FHOD3: variants seen among roughly 807,000 people sequenced by gnomAD.
The protein encoded by FHOD3 is formin homology 2 domain containing 3.
In FHOD3, 90 loss-of-function variants were observed where a neutral mutation model predicts 173.0. That is an observed-to-expected ratio of 0.52 (90% CI 0.44 to 0.62). The LOEUF is 0.62. FHOD3 is among the 20% of genes least tolerant of loss of function. The pLI is 0.00. For synonymous variants in FHOD3, 828 were observed against 823.0 expected (o/e 1.01, Z -0.10); for missense variants, 1,945 against 2,034.7 (o/e 0.96, Z 0.85).
At chr18:36,572,114 T>C (rs966470434) in intron 5 of FHOD3, among the ~76,000 whole-genome samples, 1 of 152,208 alleles carries the variant, frequency 6.6e-6, no homozygotes, top group Non-Finnish European at 1.5e-5. Context: ...CGTGTCATTT[T>C]TGAGATGAAG....
intron 3 of FHOD3, among the ~76,000 whole-genome samples, chr18:36,460,710 C>T (rs1667340660): frequency 6.6e-6 from 1 of 152,200 alleles, no homozygotes; most frequent in Non-Finnish European, 1.5e-5. Flanking sequence ...CTGATTCCCC[C>T]ATTATTTTTA....
At chr18:36,430,926 T>TA (rs200686168) in intron 3 of FHOD3, among the ~76,000 whole-genome samples, 235 of 151,498 alleles carry the variant, frequency 1.6e-3, no homozygotes, top group Admixed American at 3.9e-3. Context: ...ATGTTTTCAT[T>TA]AAAAAAAAAT....
At chr18:36,471,001 C>T (rs1166834076) in intron 3 of FHOD3, among the ~76,000 whole-genome samples, 1 of 152,224 alleles carries the variant, frequency 6.6e-6, no homozygotes, top group African/African-American at 2.4e-5. Flanking sequence ...GCAGAGACCT[C>T]AGGGCTTTCA....
At chr18:36,354,188 A>G (rs2046256159) in intron 1 of FHOD3, among the ~76,000 whole-genome samples, 2 of 152,222 alleles carry the variant, frequency 1.3e-5, no homozygotes. Flanking sequence ...TTGCACCGTG[A>G]CAAAATTTTC....
At chr18:36,572,721 C>T (rs902375208) in intron 5 of FHOD3, among the ~76,000 whole-genome samples, 3 of 95,218 alleles carry the variant, frequency 3.2e-5, no homozygotes, top group African/African-American at 1.1e-4. Flanking sequence ...ACCAGAGGCC[C>T]TGAGCTCTTG....
In FHOD3 at chr18:36,693,645, A is replaced by G. The variant is rs114219225; in HGVS notation, c.2236+222A>G. On this transcript the variant is annotated intron_variant, in intron 17 of 28. Transcript: ENST00000590592. ...GCAAAATGATTCATCAAAGTTGTCA[A>G]TGTATGGCCATGGAAAAAGGAGAAT... Among the ~76,000 whole-genome samples the G allele has an allele frequency of 1.2e-3, 186 of 152,336 alleles. 1 individual carries two copies. Among genetic ancestry groups the G allele is most frequent in the African/African-American group, 4.4e-3 (181 of 41,562 alleles).
At chr18:36,458,582 A>T (rs1025164458) in intron 3 of FHOD3, among the ~76,000 whole-genome samples, 2 of 149,670 alleles carry the variant, frequency 1.3e-5, no homozygotes, top group African/African-American at 4.9e-5. Flanking sequence ...TGGCCTGTGG[A>T]TCTTCTGCTA....
chr18:36,352,436 T>C (rs1568159916), intron 1 of FHOD3, among the ~76,000 whole-genome samples: 1 of 152,214 alleles, frequency 6.6e-6, no homozygotes, highest in African/African-American at 2.4e-5. Flanking sequence ...CAGATCTGTG[T>C]GGTAGAAATG....
chr18:36,645,992 T>C (rs2035656258), intron 10 of FHOD3, among the ~76,000 whole-genome samples: 1 of 152,200 alleles, frequency 6.6e-6, no homozygotes, highest in African/African-American at 2.4e-5. Flanking sequence ...CTTATACTTT[T>C]CCCTGAGATT....
intron 3 of FHOD3, among the ~76,000 whole-genome samples, chr18:36,442,620 A>G (rs2051218605): frequency 1.3e-5 from 2 of 152,104 alleles, no homozygotes; most frequent in South Asian, 4.1e-4. Context: ...GTAATTGCAG[A>G]GCTCCCCAAA....
chr18:36,314,137 T>C (rs2092313943), intron 1 of FHOD3, among the ~76,000 whole-genome samples: 1 of 152,214 alleles, frequency 6.6e-6, no homozygotes, highest in Admixed American at 6.5e-5. Context: ...TTCATTTAGA[T>C]ATCTTGTTTG....
chr18:36,696,300 T>G (rs138596522), intron 17 of FHOD3, among the ~76,000 whole-genome samples: 172 of 152,264 alleles, frequency 1.1e-3, no homozygotes, highest in African/African-American at 3.8e-3. Flanking sequence ...TTGCTAACCC[T>G]CTCACCAACA....
At chr18:36,474,299 A>G (rs1372507983) in intron 3 of FHOD3, among the ~76,000 whole-genome samples, 1 of 152,138 alleles carries the variant, frequency 6.6e-6, no homozygotes, top group African/African-American at 2.4e-5. Flanking sequence ...TTTTTGTCCC[A>G]TAAGTTGGTT....
intron 19 of FHOD3, among the ~76,000 whole-genome samples, chr18:36,726,106 A>G (rs2041051760): frequency 6.6e-6 from 1 of 151,242 alleles, no homozygotes; most frequent in African/African-American, 2.4e-5. Context: ...TAACATATCT[A>G]TTGGACAGCC....
intron 17 of FHOD3, among the ~76,000 whole-genome samples, chr18:36,703,509 TGTAG>T (rs1457853416): frequency 6.6e-6 from 1 of 152,146 alleles, no homozygotes; most frequent in Non-Finnish European, 1.5e-5. Flanking sequence ...CACTTTATAT[TGTAG>T]GTGTGGGAAC....
chr18:36,658,398 C>T (rs1042754634), intron 14 of FHOD3, among the ~76,000 whole-genome samples: 6 of 152,112 alleles, frequency 3.9e-5, no homozygotes, highest in Non-Finnish European at 7.4e-5. Context: ...TTAATATTAG[C>T]GTCTCATCCC....
At position 36,710,311 on chromosome 18, in the gene FHOD3, T is replaced by C. The variant is rs544081294; in HGVS notation, c.2533+920T>C. On this transcript the variant is annotated intron_variant, in intron 18 of 28. Transcript: ENST00000590592. ...TCCTAACCAGTGGAGTCATGTCTTA[T>C]GGGCCAGCCTTTCTTAAGCTACATA... The C allele has an allele frequency of 2.2e-4, 33 of 152,346 alleles. 1 individual carries two copies. Among genetic ancestry groups the C allele is most frequent in the African/African-American group, 7.5e-4 (31 of 41,582 alleles). The allele number at this position is 152,346 out of a possible 1,614,324, so 9.4% of individuals were successfully genotyped here.
chr18:36,649,001 C>T (rs570519381), intron 10 of FHOD3, among the ~76,000 whole-genome samples: 9 of 152,290 alleles, frequency 5.9e-5, no homozygotes, highest in African/African-American at 2.2e-4. Context: ...TGGCCAGAAG[C>T]TTCTGTGAAT....
At chr18:36,360,873 C>G (rs1477499971) in intron 2 of FHOD3, among the ~76,000 whole-genome samples, 4 of 152,208 alleles carry the variant, frequency 2.6e-5, no homozygotes, top group African/African-American at 9.6e-5. Context: ...CTCACCCATT[C>G]ACACATTTGT....
Sources: gnomAD v4.1 joint callset for allele counts (sites outside exome capture counted in the v4.1 genomes callset) on GRCh38, gnomAD v4.1.1 for gene constraint, MANE v1.5 for transcripts, NCBI Gene and HGNC (gene_info 2026-07-23, HGNC 2026-07-21) for gene names.